NCOR1: variants seen among roughly 807,000 people sequenced by gnomAD.
The protein encoded by NCOR1 is nuclear receptor corepressor 1.
In NCOR1, 63 loss-of-function variants were observed where a neutral mutation model predicts 288.1. The ratio of observed to expected loss-of-function variants is 0.22; its 90% CI spans 0.18 to 0.27. NCOR1 has a LOEUF of 0.27. Ranked by LOEUF, NCOR1 falls within the 10% of genes least tolerant of loss-of-function variation. The pLI, the probability that NCOR1 is intolerant of heterozygous loss-of-function variation, is 1.00. For missense variants in NCOR1, 2,397 were observed against 3,019.2 expected (o/e 0.79, Z 4.83); for synonymous variants, 1,007 against 1,065.9 (o/e 0.94, Z 1.08).
chr17:16,124,930 T>C (rs1208080945), intron 15 of NCOR1, among the ~76,000 whole-genome samples: 4 of 152,242 alleles, frequency 2.6e-5, no homozygotes, highest in Non-Finnish European at 4.4e-5. Flanking sequence ...TGGAGGAAAG[T>C]ATATATTACT....
At chr17:16,109,849 T>C (rs958880059) in intron 18 of NCOR1, among the ~76,000 whole-genome samples, 4 of 152,168 alleles carry the variant, frequency 2.6e-5, no homozygotes, top group Non-Finnish European at 5.9e-5. Flanking sequence ...ATTCTCTGCC[T>C]CAGCCTCCCG....
At chr17:16,070,585 A>C in intron 30 of NCOR1, 60 bp from the exon 31 acceptor site, 3 of 1,572,106 alleles carry the variant, frequency 1.9e-6, no homozygotes, top group African/African-American at 1.3e-5. Context: ...TTTCTATCTC[A>C]GGTCTATGTC....
rs1348018546 is a variant in NCOR1 at position 16,126,198 on chromosome 17, A to G, written c.1518T>C (p.Ala506=). ...GKRRGRNQQI[A]RPSQEEKVEE... Reference sequence around the variant, plus strand: ...CTACTTTTTCTTCTTGCGAGGGTCGAGCAATTTGCTGCTAGAATGAACCAT... The same window carrying G: ...CTACTTTTTCTTCTTGCGAGGGTCGGGCAATTTGCTGCTAGAATGAACCAT... The change falls in exon 15 of 46, where the codon GCT becomes GCC. Residue 506 remains alanine, a synonymous_variant. Coordinates refer to ENST00000268712, the MANE Select transcript of NCOR1 (RefSeq NM_006311.4). The G allele has an allele frequency of 1.3e-6, 2 of 1,515,612 alleles. No individual in the cohort carries two copies. The highest frequency in any genetic ancestry group is 8.8e-7 in the Non-Finnish European group (1 of 1,137,420). The allele number at this position is 1,515,612 out of a possible 1,614,324, so 93.9% of individuals were successfully genotyped here. A position where few individuals can be genotyped will look rare whatever the true frequency, so the allele number is the denominator to read the frequency against.
At chr17:16,036,173 T>G (rs949473334) in intron 44 of NCOR1, among the ~76,000 whole-genome samples, 2 of 152,234 alleles carry the variant, frequency 1.3e-5, no homozygotes, top group African/African-American at 4.8e-5. Flanking sequence ...TTAGCAGGCA[T>G]GAAAACAACA....
chr17:16,083,004 A>G (rs1443886775), intron 23 of NCOR1, among the ~76,000 whole-genome samples: 2 of 152,076 alleles, frequency 1.3e-5, no homozygotes, highest in East Asian at 3.9e-4. Flanking sequence ...ATGTTCACCA[A>G]TTCACTATTC....
At chr17:16,082,842 G>C (rs538530986) in intron 23 of NCOR1, among the ~76,000 whole-genome samples, 1 of 135,290 alleles carries the variant, frequency 7.4e-6, no homozygotes, top group South Asian at 2.6e-4. Flanking sequence ...AAAAATATAA[G>C]AACTAGGGGT....
In NCOR1 at chr17:16,062,153, C is replaced by T. The variant is rs2060610895; in HGVS notation, c.5339G>A (p.Gly1780Glu). 1 of 1,613,914 alleles carries T rather than the reference C, an allele frequency of 6.2e-7. No homozygotes were observed. ...ATCCAAAGGTGTGATTACACTGGTT[C>T]CATTGGTTCCTTGGAAAACACTGGG... is the stretch of plus-strand genomic sequence containing the variant. ...QRPSVFQGTN[G>E]TSVITPLDPT... is the part of the protein sequence containing the mutation. Residue 1780 changes from glycine (G) to glutamate (E), a missense_variant, in exon 36 of 46, where the codon GGA becomes GAA. This residue lies in a region of NCOR1 where 1,872 missense variants were observed against 2,187.8 expected (regional missense o/e 0.86). Coordinates refer to ENST00000268712, the MANE Select transcript of NCOR1 (RefSeq NM_006311.4).
chr17:16,106,745 AAC>A (rs1963080886), intron 19 of NCOR1, among the ~76,000 whole-genome samples: 1 of 151,270 alleles, frequency 6.6e-6, no homozygotes, highest in African/African-American at 2.4e-5. Context: ...AAGCTAAGTC[AAC>A]AGGAAGAGAG....
intron 14 of NCOR1, among the ~76,000 whole-genome samples, chr17:16,127,543 A>ATATACACATGTGTATATATGTATG (rs1568204450): frequency 5.8e-5 from 8 of 138,944 alleles, no homozygotes; most frequent in African/African-American, 2.4e-4. Flanking sequence ...ATCTGCATGT[A>ATATACACATGTGTATATATGTATG]TATATACACA....
At chr17:16,184,447 C>T (rs557998661) in intron 3 of NCOR1, among the ~76,000 whole-genome samples, 8 of 152,246 alleles carry the variant, frequency 5.3e-5, no homozygotes, top group African/African-American at 1.9e-4. Context: ...AAATCACCAA[C>T]AGGTATATGA....
chr17:16,058,660 T>C (rs1381978605), intron 37 of NCOR1, 61 bp from the exon 38 acceptor site: 2 of 1,496,112 alleles, frequency 1.3e-6, no homozygotes, highest in Admixed American at 1.9e-5. Context: ...GAAGTCTAAG[T>C]TCTTCACACC....
At chr17:16,201,918 C>T (rs1437201095) in intron 1 of NCOR1, among the ~76,000 whole-genome samples, 3 of 151,846 alleles carry the variant, frequency 2.0e-5, no homozygotes, top group African/African-American at 4.8e-5. Context: ...GGCAAAACCT[C>T]GTCTCTACTA....
chr17:16,042,155 A>G (rs1238995910), intron 42 of NCOR1, among the ~76,000 whole-genome samples: 1 of 95,644 alleles, frequency 1.0e-5, no homozygotes, highest in Non-Finnish European at 2.2e-5. Context: ...GAGGCTTTAA[A>G]CTGACAGAGG....
chr17:16,163,159 GA>G (rs1427498472), intron 5 of NCOR1, among the ~76,000 whole-genome samples: 1 of 151,840 alleles, frequency 6.6e-6, no homozygotes, highest in Non-Finnish European at 1.5e-5. Context: ...GTGACAAAAG[GA>G]AAAAACAAAC....
At chr17:16,150,822 T>C (rs1177258340) in intron 8 of NCOR1, among the ~76,000 whole-genome samples, 1 of 152,168 alleles carries the variant, frequency 6.6e-6, no homozygotes, top group African/African-American at 2.4e-5. Flanking sequence ...GAGTTTTGAC[T>C]AACTTACTTC....
intron 1 of NCOR1, among the ~76,000 whole-genome samples, chr17:16,211,810 C>CA (rs1477341637): frequency 2.6e-5 from 4 of 151,844 alleles, no homozygotes; most frequent in Non-Finnish European, 5.9e-5. Context: ...ACAAGAAAAC[C>CA]AAAATAAAAA....
intron 2 of NCOR1, among the ~76,000 whole-genome samples, chr17:16,190,264 T>C (rs917451615): frequency 5.9e-5 from 9 of 152,112 alleles, no homozygotes; most frequent in Admixed American, 1.3e-4. Context: ...AAACCATCAC[T>C]GAAGTTTTAA....
intron 18 of NCOR1, 130 bp downstream of exon 18, chr17:16,117,758 T>G: frequency 1.0e-6 from 1 of 961,198 alleles, no homozygotes; most frequent in Non-Finnish European, 1.4e-6. Flanking sequence ...GGAGGAAGAG[T>G]TTGCAGTGAG....
intron 1 of NCOR1, among the ~76,000 whole-genome samples, chr17:16,213,928 G>C (rs1227155383): frequency 2.6e-5 from 4 of 152,144 alleles, no homozygotes; most frequent in Admixed American, 2.6e-4. Context: ...TTCCTACTGT[G>C]AGCATTTTAT....
Sources: allele counts gnomAD v4.1 joint callset (sites outside exome capture counted in the v4.1 genomes callset), GRCh38; gene constraint gnomAD v4.1.1; regional missense constraint gnomAD v4.1.1; transcripts MANE v1.5; gene names NCBI Gene and HGNC (gene_info 2026-07-23, HGNC 2026-07-21).